Variants in AFG2A observed in about 807,000 individuals in gnomAD.
The protein encoded by AFG2A is ATPase family gene 2 protein homolog A.
the AFG2A span, among the ~76,000 whole-genome samples, chr4:122,952,926 T>C: frequency 3.9e-5 from 6 of 152,144 alleles, no homozygotes; most frequent in Admixed American, 1.3e-4. Context: ...TGTGCATACA[T>C]TGGGGGGACT....
chr4:123,052,781 G>A, the AFG2A span, among the ~76,000 whole-genome samples: 1 of 152,190 alleles, frequency 6.6e-6, no homozygotes, highest in African/African-American at 2.4e-5. Flanking sequence ...AAATCCCACA[G>A]TTGGCCATCT....
the AFG2A span, among the ~76,000 whole-genome samples, chr4:123,295,721 C>T: frequency 6.6e-6 from 1 of 152,186 alleles, no homozygotes; most frequent in African/African-American, 2.4e-5. Flanking sequence ...TGGTGAAAAC[C>T]TGCCAGCATG....
the AFG2A span, among the ~76,000 whole-genome samples, chr4:123,040,233 TCAA>T: frequency 6.6e-6 from 1 of 152,162 alleles, no homozygotes; most frequent in Non-Finnish European, 1.5e-5. Context: ...TTTGTATCAA[TCAA>T]TTTTTTAAAT....
At chr4:123,171,793 T>C in the AFG2A span, among the ~76,000 whole-genome samples, 2 of 152,094 alleles carry the variant, frequency 1.3e-5, no homozygotes, top group Non-Finnish European at 2.9e-5. Flanking sequence ...TTTCTAATAT[T>C]TTCCATAAAT....
chr4:123,245,847 A>G, the AFG2A span, among the ~76,000 whole-genome samples: 1 of 152,332 alleles, frequency 6.6e-6, no homozygotes, highest in African/African-American at 2.4e-5. Context: ...ATTATTTTTT[A>G]AAGAACAAAG....
At chr4:122,986,430 T>C in the AFG2A span, among the ~76,000 whole-genome samples, 90 of 152,298 alleles carry the variant, frequency 5.9e-4, no homozygotes, top group Middle Eastern at 3.4e-3. Context: ...GGTCTCTTAG[T>C]AATTGTTTTA....
At chr4:122,942,666 C>A in the AFG2A span, among the ~76,000 whole-genome samples, 1 of 151,898 alleles carries the variant, frequency 6.6e-6, no homozygotes, top group Non-Finnish European at 1.5e-5. Flanking sequence ...TTATTTCTTG[C>A]CTTCTGCTAG....
the AFG2A span, among the ~76,000 whole-genome samples, chr4:123,248,880 C>G: frequency 6.6e-6 from 1 of 152,084 alleles, no homozygotes; most frequent in Non-Finnish European, 1.5e-5. Flanking sequence ...GTTCAAGGAT[C>G]TCATAATCAA....
At chr4:123,273,322 G>A in the AFG2A span, among the ~76,000 whole-genome samples, 116,881 of 152,088 alleles carry the variant, frequency 0.77, 45,797 homozygotes, top group Non-Finnish European at 0.85. Flanking sequence ...AACTTTATCA[G>A]TGTAAACATA....
the AFG2A span, among the ~76,000 whole-genome samples, chr4:123,230,899 G>A: frequency 9.2e-4 from 140 of 152,072 alleles, no homozygotes; most frequent in African/African-American, 3.2e-3. Flanking sequence ...ATTTTGAAAG[G>A]AATCATTTTA....
At chr4:123,132,404 T>C in the AFG2A span, among the ~76,000 whole-genome samples, 1 of 152,042 alleles carries the variant, frequency 6.6e-6, no homozygotes, top group Admixed American at 6.5e-5. Flanking sequence ...GTTTGGCTTA[T>C]TTCACTTAGC....
At chr4:123,138,829 A>G in the AFG2A span, among the ~76,000 whole-genome samples, 1 of 152,098 alleles carries the variant, frequency 6.6e-6, no homozygotes, top group Non-Finnish European at 1.5e-5. Flanking sequence ...TAATAATAAC[A>G]AAAATAAGAT....
the AFG2A span, among the ~76,000 whole-genome samples, chr4:122,970,192 C>A: frequency 6.6e-6 from 1 of 152,162 alleles, no homozygotes; most frequent in Admixed American, 6.5e-5. Context: ...ACAGGTATAA[C>A]ATTTTTTAAT....
chr4:123,012,284 G>T, the AFG2A span, among the ~76,000 whole-genome samples: 2 of 147,424 alleles, frequency 1.4e-5, no homozygotes, highest in South Asian at 4.4e-4. Flanking sequence ...CAGAGAGAAG[G>T]GGTGGGGGTG....
chr4:122,938,293 A>G, the AFG2A span: 1 of 1,450,706 alleles, frequency 6.9e-7, no homozygotes, highest in African/African-American at 1.4e-5. Context: ...GTTAATTCTT[A>G]ATACTTATGT....
the AFG2A span, among the ~76,000 whole-genome samples, chr4:123,051,640 CTTTTTTTTTT>C: frequency 6.2e-5 from 6 of 96,080 alleles, no homozygotes; most frequent in African/African-American, 2.1e-4. Flanking sequence ...ATTTCCTCAG[CTTTTTTTTTT>C]TTTTTTTTTT....
At chr4:123,140,941 C>T in the AFG2A span, among the ~76,000 whole-genome samples, 4 of 152,072 alleles carry the variant, frequency 2.6e-5, no homozygotes, top group African/African-American at 9.7e-5. Flanking sequence ...TTAATTATAG[C>T]ATCTAGATTG....
At chr4:123,230,750 T>G in the AFG2A span, among the ~76,000 whole-genome samples, 1 of 151,964 alleles carries the variant, frequency 6.6e-6, no homozygotes, top group Non-Finnish European at 1.5e-5. Flanking sequence ...TATTTCTTAA[T>G]AAGACTTGGA....
At chr4:123,079,425 G>C in the AFG2A span, among the ~76,000 whole-genome samples, 1 of 152,154 alleles carries the variant, frequency 6.6e-6, no homozygotes, top group Admixed American at 6.5e-5. Flanking sequence ...TGTAGCTCCT[G>C]TTAGAAGGCA....
Sources: allele counts gnomAD v4.1 joint callset (sites outside exome capture counted in the v4.1 genomes callset), GRCh38; gene constraint gnomAD v4.1.1; transcripts MANE v1.5; gene names NCBI Gene and HGNC (gene_info 2026-07-23, HGNC 2026-07-21).